Variants in DOCK8 observed in about 807,000 individuals in gnomAD.
The protein encoded by DOCK8 is dedicator of cytokinesis 8, also known as dedicator of cytokinesis protein 8.
In DOCK8, 141 loss-of-function variants were observed where a neutral mutation model predicts 245.6. The observed-to-expected ratio is 0.57, with a 90% CI of 0.50 to 0.66. The LOEUF is 0.66. Among genes scored for constraint, DOCK8 ranks in the 30% least tolerant of loss-of-function variants. DOCK8 has a pLI of 0.00. For synonymous variants in DOCK8, 1,168 were observed against 970.2 expected, an observed-to-expected ratio of 1.20 and a Z score of -3.79; for missense variants, 2,965 against 2,603.4, an observed-to-expected ratio of 1.14 and a Z score of -3.02.
intron 10 of DOCK8, 23 bp downstream of exon 10, chr9:332,501 A>G: frequency 2.0e-6 from 3 of 1,529,590 alleles, no homozygotes; most frequent in Non-Finnish European, 2.7e-6. Context: ...GAGTGTTGTT[A>G]AATGGAGACA....
chr9:294,566 A>G (rs2049175843), intron 4 of DOCK8, among the ~76,000 whole-genome samples: 1 of 152,226 alleles, frequency 6.6e-6, no homozygotes, highest in Admixed American at 6.5e-5. Flanking sequence ...GTGTTCTAAA[A>G]TCCCAGTTAA....
chr9:265,437 G>A (rs543300), intron 1 of DOCK8, among the ~76,000 whole-genome samples: 2 of 151,954 alleles, frequency 1.3e-5, no homozygotes, highest in African/African-American at 2.4e-5. Flanking sequence ...TCATTAATAC[G>A]TATCACTAGC....
chr9:318,842 G>C (rs1042869512), intron 7 of DOCK8, among the ~76,000 whole-genome samples: 1 of 152,190 alleles, frequency 6.6e-6, no homozygotes, highest in African/African-American at 2.4e-5. Context: ...TGCATCATCA[G>C]GCTACTTTTA....
At chr9:313,454 A>T (rs139285368) in intron 6 of DOCK8, among the ~76,000 whole-genome samples, 1 of 152,308 alleles carries the variant, frequency 6.6e-6, no homozygotes, top group East Asian at 1.9e-4. Context: ...TGGTTTCCTC[A>T]TCTATTTTTA....
At position 446,515 on chromosome 9, in the gene DOCK8, T is replaced by A; in HGVS notation, c.5726T>A (p.Leu1909Gln). Residue 1909 changes from leucine to glutamine, a missense_variant, in exon 44 of 48, where the codon CTG (leucine) becomes CAG (glutamine). Leu to Gln is a moderately radical substitution (Grantham distance 113). This residue lies in a region of DOCK8 where 2,825 missense variants were observed against 2,453.5 expected (regional missense o/e 1.15). Transcript: ENST00000432829. Reference protein sequence around the residue: ...FTLEGRPRGELHEQYRRNTVL... With the variant: ...FTLEGRPRGEQHEQYRRNTVL... ...CTGGAGGGGCGGCCTCGGGGAGAGCTGCATGAGCAGTACAGAAGGAACACA... is the reference window on the plus strand; with the variant it reads ...CTGGAGGGGCGGCCTCGGGGAGAGCAGCATGAGCAGTACAGAAGGAACACA... The A allele has an allele frequency of 6.2e-7, 1 of 1,614,216 alleles. No individual in the cohort carries two copies. The highest frequency in any genetic ancestry group is 1.1e-5 in the South Asian group (1 of 91,088).
intron 1 of DOCK8, among the ~76,000 whole-genome samples, chr9:266,544 G>A (rs775712646): frequency 4.6e-5 from 7 of 152,102 alleles, no homozygotes; most frequent in African/African-American, 7.2e-5. Flanking sequence ...CCAGGAATTC[G>A]AATTTTTATC....
intron 22 of DOCK8, among the ~76,000 whole-genome samples, chr9:383,204 A>G (rs1383011549): frequency 2.0e-5 from 3 of 151,928 alleles, no homozygotes; most frequent in Admixed American, 2.0e-4. Flanking sequence ...GTTCAAGACC[A>G]GCCTGGCCAA....
chr9:400,928 A>AC (rs2055005637), intron 26 of DOCK8, among the ~76,000 whole-genome samples: 1 of 57,384 alleles, frequency 1.7e-5, no homozygotes, highest in Admixed American at 2.1e-4. Flanking sequence ...CACCATCACC[A>AC]CAACATCCAC....
rs1206732318 is a variant in DOCK8, at chr9:247,685, C to T, written c.54-23942C>T. On this transcript the variant is annotated intron_variant, in intron 1 of 47. Transcript: ENST00000432829. The stretch of plus-strand genomic sequence containing the variant: ...AGTAGCTGGGAATACAGGCACCCAC[C>T]ACCACGCCCGGCTAATTTTTTGTAT... 2.0e-5 allele frequency among the ~76,000 whole-genome samples: 3 copies of T among 152,180 alleles called. No homozygotes were observed. The East Asian group carries it at 5.8e-4, about 29-fold the overall frequency.
chr9:309,036 A>G (rs1464843884), intron 5 of DOCK8, among the ~76,000 whole-genome samples: 1 of 152,192 alleles, frequency 6.6e-6, no homozygotes, highest in South Asian at 2.1e-4. Flanking sequence ...TTTTGGGGGC[A>G]TTTAGTTTAC....
chr9:400,919 ACCATCACCACAACAT>A, intron 26 of DOCK8, among the ~76,000 whole-genome samples: 1 of 120,306 alleles, frequency 8.3e-6, no homozygotes, highest in Non-Finnish European at 1.7e-5. Flanking sequence ...CAGCTCCTTC[ACCATCACCACAACAT>A]CCACCACCAC....
intron 26 of DOCK8, among the ~76,000 whole-genome samples, chr9:400,204 A>T (rs369292359): frequency 1.4e-4 from 14 of 97,688 alleles, no homozygotes; most frequent in East Asian, 9.5e-4. Context: ...CACCATCACC[A>T]CCACCTCCAC....
At chr9:308,937 A>G (rs902313675) in intron 5 of DOCK8, among the ~76,000 whole-genome samples, 26 of 152,218 alleles carry the variant, frequency 1.7e-4, no homozygotes, top group African/African-American at 4.3e-4. Flanking sequence ...GATTACAGGC[A>G]TGAGCCACCG....
At chr9:408,219 G>A (rs1183725351) in intron 28 of DOCK8, among the ~76,000 whole-genome samples, 1 of 152,190 alleles carries the variant, frequency 6.6e-6, no homozygotes, top group African/African-American at 2.4e-5. Context: ...GAAACAGGAG[G>A]TTCCTGCATG....
intron 1 of DOCK8, among the ~76,000 whole-genome samples, chr9:268,914 T>C (rs73374516): frequency 0.033 from 5,001 of 152,310 alleles, 256 homozygotes; most frequent in African/African-American, 0.11. Flanking sequence ...TTTAAAACAT[T>C]GGTGACTGTC....
In DOCK8 at chr9:426,984, G is replaced by A. The variant is rs367588469; in HGVS notation, c.4338+3G>A. 1.7e-5 allele frequency: 27 copies of A among 1,612,732 alleles called. No homozygotes were observed. The highest frequency in any genetic ancestry group is 2.3e-5 in the Non-Finnish European group (27 of 1,179,094). Reference sequence around the variant, plus strand: ...ATATGCAGGAAAACATTATCCAGGTGAGGAAAACAAACACCCAATCTGATT... The same window carrying A: ...ATATGCAGGAAAACATTATCCAGGTAAGGAAAACAAACACCCAATCTGATT... On this transcript the variant is annotated splice_donor_region_variant and intron_variant, in intron 34 of 47. Coordinates refer to ENST00000432829, the MANE Select transcript of DOCK8 (RefSeq NM_203447.4).
intron 2 of DOCK8, among the ~76,000 whole-genome samples, chr9:279,155 C>T (rs1455582197): frequency 1.3e-5 from 2 of 152,164 alleles, no homozygotes; most frequent in African/African-American, 4.8e-5. Context: ...TAATGTTTTC[C>T]ACCTGGGCAA....
chr9:374,460 T>G (rs1271404763), intron 18 of DOCK8, among the ~76,000 whole-genome samples: 1 of 141,042 alleles, frequency 7.1e-6, no homozygotes, highest in African/African-American at 2.6e-5. Flanking sequence ...TGTGTTTTTT[T>G]TTTTTTTTTT....
At position 449,804 on chromosome 9, in the gene DOCK8, A is replaced by C; in HGVS notation, c.5838A>C (p.Glu1946Asp). 1 of 1,613,070 alleles carries C rather than the reference A, an allele frequency of 6.2e-7. No homozygotes were observed. The highest frequency in any genetic ancestry group is 8.5e-7 in the Non-Finnish European group (1 of 1,180,022). The change falls in exon 45 of 48, where the codon GAA becomes GAC. Residue 1946 changes from glutamate (E) to aspartate (D), a missense_variant. Transcript: ENST00000432829. ...QKEEFVLTPI[E>D]VAIEDMKKKT... Reference sequence around the variant, plus strand: ...TTCAGTTTGTTTTGACACCGATTGAAGTTGCCATTGAAGACATGAAGAAGA... The same window carrying C: ...TTCAGTTTGTTTTGACACCGATTGACGTTGCCATTGAAGACATGAAGAAGA...
Sources: allele counts gnomAD v4.1 joint callset (sites outside exome capture counted in the v4.1 genomes callset), GRCh38; gene constraint gnomAD v4.1.1; regional missense constraint gnomAD v4.1.1; transcripts MANE v1.5; gene names NCBI Gene and HGNC (gene_info 2026-07-23, HGNC 2026-07-21).